Variants in ROBO2 observed in about 807,000 individuals in gnomAD.
ROBO2 encodes roundabout homolog 2.
ROBO2 carries 53 observed loss-of-function variants against 160.8 expected under a neutral mutation model. The ratio of observed to expected loss-of-function variants is 0.33; its 90% CI spans 0.26 to 0.41. The LOEUF (loss-of-function observed/expected upper bound fraction) is 0.41, where lower values mean the gene tolerates loss of function less well. Ranked by LOEUF, ROBO2 falls within the 10% of genes least tolerant of loss-of-function variation. ROBO2 has a pLI of 1.00. For synonymous variants in ROBO2, 664 were observed against 611.7 expected, an observed-to-expected ratio of 1.09 and a Z score of -1.26; for missense variants, 1,577 against 1,722.4, an observed-to-expected ratio of 0.92 and a Z score of 1.49.
At chr3:76,469,482 A>G (rs952812773) in intron 2 of ROBO2, among the ~76,000 whole-genome samples, 1 of 152,102 alleles carries the variant, frequency 6.6e-6, no homozygotes, top group African/African-American at 2.4e-5. Context: ...TACAAAGTCT[A>G]TTAAAAGGCT....
At chr3:76,037,391 G>T (rs1483599241) in intron 2 of ROBO2, among the ~76,000 whole-genome samples, 1 of 151,362 alleles carries the variant, frequency 6.6e-6, no homozygotes, top group African/African-American at 2.4e-5. Context: ...CCAAGCAGCT[G>T]GGATTACAGG....
chr3:76,177,709 G>A (rs1046619479), intron 2 of ROBO2, among the ~76,000 whole-genome samples: 7 of 151,516 alleles, frequency 4.6e-5, no homozygotes, highest in African/African-American at 7.3e-5. Context: ...CTTTTATATC[G>A]TCCCTGCCAG....
At chr3:76,487,942 T>C (rs2079589560) in intron 2 of ROBO2, among the ~76,000 whole-genome samples, 1 of 152,166 alleles carries the variant, frequency 6.6e-6, no homozygotes, top group Non-Finnish European at 1.5e-5. Context: ...CAAAGGTAGT[T>C]ATACAATGTA....
chr3:76,795,982 C>T (rs775963812), intron 2 of ROBO2, among the ~76,000 whole-genome samples: 3 of 152,092 alleles, frequency 2.0e-5, no homozygotes, highest in Non-Finnish European at 4.4e-5. Flanking sequence ...TCCATCAGAA[C>T]TCTTGAGTGA....
At chr3:77,648,149 G>A (rs762319096) in exon 26 of ROBO2, 2 of 152,184 alleles carry the variant, frequency 1.3e-5, no homozygotes, top group African/African-American at 2.4e-5. Flanking sequence ...TCTTCAAAGA[G>A]TGAATACATA....
At chr3:76,642,046 G>A (rs1050446879) in intron 2 of ROBO2, among the ~76,000 whole-genome samples, 1 of 152,102 alleles carries the variant, frequency 6.6e-6, no homozygotes, top group South Asian at 2.1e-4. Context: ...AAAAGCTGAC[G>A]TAGGGTTAGG....
intron 2 of ROBO2, among the ~76,000 whole-genome samples, chr3:76,118,482 G>T (rs767814393): frequency 6.6e-6 from 1 of 152,124 alleles, no homozygotes; most frequent in African/African-American, 2.4e-5. Context: ...ATGAGGGAGG[G>T]TTGATTAACA....
At chr3:76,425,584 A>G (rs1207680500) in intron 2 of ROBO2, among the ~76,000 whole-genome samples, 1 of 151,736 alleles carries the variant, frequency 6.6e-6, no homozygotes, top group Non-Finnish European at 1.5e-5. Flanking sequence ...CTAGGATAAA[A>G]CTGCTAAGCA....
At chr3:77,152,021 T>C (rs1225776297) in intron 2 of ROBO2, among the ~76,000 whole-genome samples, 1 of 152,194 alleles carries the variant, frequency 6.6e-6, no homozygotes, top group Admixed American at 6.5e-5. Context: ...CTTGAAAACA[T>C]GCATTTTTAA....
intron 2 of ROBO2, among the ~76,000 whole-genome samples, chr3:76,759,294 T>C (rs1355313354): frequency 6.6e-6 from 1 of 151,834 alleles, no homozygotes; most frequent in Non-Finnish European, 1.5e-5. Context: ...TCGAATCAAT[T>C]ATACAACTCT....
rs144923422 is a variant in ROBO2, at chr3:76,163,751, G to GTT, written c.109+226158_109+226159dup. Among the ~76,000 whole-genome samples the GTT allele has an allele frequency of 6.4e-4, 96 of 149,304 alleles. No homozygotes were observed. The South Asian group carries it at 9.9e-3, about 15-fold the overall frequency. ...TGTAGAAATGCACATACCATAATTA[G>GTT]TTTTTTTTTTGAAAAAACTGTTAAT... On this transcript the variant is annotated intron_variant, in intron 2 of 26. Coordinates refer to the ROBO2 transcript ENST00000487694.
chr3:76,437,146 T>C (rs886481088), intron 2 of ROBO2, among the ~76,000 whole-genome samples: 4 of 152,222 alleles, frequency 2.6e-5, no homozygotes, highest in South Asian at 4.1e-4. Context: ...AGTAGTATAC[T>C]GAAGCTTTTG....
intron 2 of ROBO2, among the ~76,000 whole-genome samples, chr3:77,362,765 G>A (rs1560625151): frequency 6.6e-6 from 1 of 152,104 alleles, no homozygotes; most frequent in Non-Finnish European, 1.5e-5. Flanking sequence ...CAGTTCACAT[G>A]GCTAGGGAGG....
intron 5 of ROBO2, among the ~76,000 whole-genome samples, chr3:77,509,038 G>A (rs1197668631): frequency 1.3e-5 from 2 of 151,814 alleles, no homozygotes; most frequent in South Asian, 2.1e-4. Context: ...ATGAGAGAGG[G>A]GTAACTCAAA....
intron 1 of ROBO2, among the ~76,000 whole-genome samples, chr3:77,072,894 C>A (rs1194467483): frequency 6.6e-6 from 1 of 151,996 alleles, no homozygotes; most frequent in Non-Finnish European, 1.5e-5. Context: ...TATAAACATA[C>A]CAAAATAAAG....
Position 77,609,960 on chromosome 3 carries a change from C to G in ROBO2, c.3293+2006C>G, listed in dbSNP as rs925092674. On this transcript the variant is annotated intron_variant, in intron 21 of 25. Coordinates refer to ENST00000461745, the Ensembl canonical transcript of ROBO2. ...AATATTGACAACAAAATTCAATTTC[C>G]TTATTTTTTTGAGCTCAGTTTTTAA... Among the ~76,000 whole-genome samples the G allele has an allele frequency of 2.7e-5, 4 of 150,530 alleles. No individual in the cohort carries two copies. The East Asian group carries it at 7.8e-4, about 29-fold the overall frequency.
At chr3:77,434,819 T>C (rs1166833245) in intron 2 of ROBO2, among the ~76,000 whole-genome samples, 2 of 152,108 alleles carry the variant, frequency 1.3e-5, no homozygotes, top group African/African-American at 4.8e-5. Flanking sequence ...ATTTAGAAAA[T>C]GGCTTCACTG....
intron 2 of ROBO2, among the ~76,000 whole-genome samples, chr3:76,147,433 T>C (rs2071956126): frequency 6.6e-6 from 1 of 152,014 alleles, no homozygotes; most frequent in Non-Finnish European, 1.5e-5. Context: ...CATATTTTGT[T>C]TCTTATATTA....
intron 2 of ROBO2, among the ~76,000 whole-genome samples, chr3:77,267,263 GTT>G (rs2153347972): frequency 6.6e-6 from 1 of 152,220 alleles, no homozygotes; most frequent in East Asian, 1.9e-4. Flanking sequence ...AATATTAGTT[GTT>G]TTATTGCGGA....
Sources: gnomAD v4.1 joint callset for allele counts (sites outside exome capture counted in the v4.1 genomes callset) on GRCh38, gnomAD v4.1.1 for gene constraint, MANE v1.5 for transcripts, NCBI Gene and HGNC (gene_info 2026-07-23, HGNC 2026-07-21) for gene names.